The following SYMPK variants were observed in gnomAD, a reference collection of about 807,000 sequenced individuals.
The protein encoded by SYMPK is symplekin.
In SYMPK, 49 loss-of-function variants were observed where a neutral mutation model predicts 136.4. The ratio of observed to expected loss-of-function variants is 0.36; its 90% CI spans 0.29 to 0.46. The LOEUF is 0.46. SYMPK is among the 20% of genes least tolerant of loss of function. The pLI is 1.00. For missense variants in SYMPK, 1,365 were observed against 1,690.0 expected (o/e 0.81, Z 3.37); for synonymous variants, 766 against 713.0 (o/e 1.07, Z -1.19).
chr19:45,854,265 G>T, intron 2 of SYMPK, 25 bp from the exon 3 acceptor site: 3 of 1,612,142 alleles, frequency 1.9e-6, no homozygotes, highest in Non-Finnish European at 2.5e-6. Context: ...AGTGGCAGGG[G>T]ATAGTGCCAG....
At chr19:45,844,008 A>G (rs1600520135) in intron 8 of SYMPK, 22 bp downstream of exon 8, 5 of 876,650 alleles carry the variant, frequency 5.7e-6, no homozygotes, top group East Asian at 6.4e-5. Context: ...AGGCAGGGGG[A>G]GGGGGGAGGA....
intron 18 of SYMPK, 190 bp from the exon 19 acceptor site, chr19:45,824,065 C>T: frequency 3.9e-6 from 2 of 514,154 alleles, no homozygotes; most frequent in South Asian, 2.0e-5. Context: ...CCTGCAGCTC[C>T]TCCAGACATG....
At position 45,831,557 on chromosome 19, in the gene SYMPK, C is replaced by T. The variant is rs372352457; in HGVS notation, c.1425G>A (p.Glu475=). The change falls in exon 12 of 27, where the codon GAG becomes GAA. Residue 475 remains glutamate (E), a synonymous_variant. Coordinates refer to ENST00000245934, the MANE Select transcript of SYMPK (RefSeq NM_004819.3). ...TCTTCACCACCTTCTCCTCCTTGGGCTCCTCCTTGCACTGTTTGGTCTGCT... is the reference window on the plus strand; with the variant it reads ...TCTTCACCACCTTCTCCTCCTTGGGTTCCTCCTTGCACTGTTTGGTCTGCT... ...GVEQTKQCKE[E]PKEEKVVKTE... 9.3e-6 allele frequency: 15 copies of T among 1,610,294 alleles called. No homozygotes were observed. The Admixed American group carries it at 2.3e-4, about 25-fold the overall frequency.
rs149247046 is a variant in SYMPK, at chr19:45,854,029, G to C, written c.171+146C>G. On this transcript the variant is annotated intron_variant, in intron 3 of 26. Transcript: ENST00000245934. The stretch of plus-strand genomic sequence containing the variant: ...CCTTACAGAGCTTTCATGAGAACTA[G>C]AAGAGCAGAGGCCTGCACTGAGCAC... 24 of 750,054 alleles carry C rather than the reference G, an allele frequency of 3.2e-5. No homozygotes were observed. The East Asian group carries it at 5.8e-4, about 18-fold the overall frequency. 46.5% of individuals were successfully genotyped at this position (750,054 alleles called of 1,614,324 possible). A position where few individuals can be genotyped will look rare whatever the true frequency, so the allele number is the denominator to read the frequency against.
chr19:45,854,584 A>G (rs901748216), intron 1 of SYMPK, 77 bp from the exon 2 acceptor site: 37 of 1,211,594 alleles, frequency 3.1e-5, no homozygotes, highest in Non-Finnish European at 3.3e-5. Flanking sequence ...TCACCCGAAC[A>G]CCTACAAAGG....
intron 1 of SYMPK, chr19:45,861,799 C>G (rs1395242667): frequency 6.6e-6 from 1 of 151,414 alleles, no homozygotes; most frequent in East Asian, 1.9e-4. Context: ...AATCCCTGCA[C>G]TTTGGAAGGC....
intron 1 of SYMPK, among the ~76,000 whole-genome samples, chr19:45,858,834 T>C (rs1346960211): frequency 6.6e-6 from 1 of 151,914 alleles, no homozygotes; most frequent in African/African-American, 2.4e-5. Context: ...ATTTCAAATT[T>C]TAACTTCCTC....
chr19:45,860,129 CA>C (rs200235781), intron 1 of SYMPK, among the ~76,000 whole-genome samples: 19,072 of 129,676 alleles, frequency 0.15, 1,278 homozygotes, highest in Admixed American at 0.19. Context: ...AACCTGTTTC[CA>C]AAAAAAAAAA....
intron 6 of SYMPK, 112 bp from the exon 7 acceptor site, chr19:45,848,113 C>A: frequency 7.5e-7 from 1 of 1,334,298 alleles, no homozygotes; most frequent in Non-Finnish European, 1.0e-6. Context: ...TGAATACATT[C>A]ATTTGGTTAA....
intron 5 of SYMPK, among the ~76,000 whole-genome samples, chr19:45,851,893 CA>C (rs2146341191): frequency 6.6e-6 from 1 of 151,296 alleles, no homozygotes; most frequent in South Asian, 2.1e-4. Flanking sequence ...AACAAACAAA[CA>C]AAAGATTAAA....
chr19:45,848,738 G>C lies in SYMPK; in HGVS notation c.426+12C>G. The C allele has an allele frequency of 6.2e-7, 1 of 1,613,182 alleles. No individual in the cohort carries two copies. Among genetic ancestry groups the C allele is most frequent in the Non-Finnish European group, 8.5e-7 (1 of 1,179,992 alleles). ...CAGGCAGGATGGCCCTGGGTGGGGAGGGCGCTCTCACCTGCAGGGCCACCT... is the reference window on the plus strand; with the variant it reads ...CAGGCAGGATGGCCCTGGGTGGGGACGGCGCTCTCACCTGCAGGGCCACCT... On this transcript the variant is annotated intron_variant, in intron 6 of 26. Coordinates refer to ENST00000245934, the MANE Select transcript of SYMPK (RefSeq NM_004819.3).
intron 3 of SYMPK, among the ~76,000 whole-genome samples, chr19:45,853,058 C>G (rs764611030): frequency 6.6e-6 from 1 of 152,198 alleles, no homozygotes; most frequent in Non-Finnish European, 1.5e-5. Flanking sequence ...CTCCAATAAG[C>G]AAAGAGCTGG....
Position 45,831,515 on chromosome 19 carries a change from G to A in SYMPK, c.1467C>T (p.Ile489=), listed in dbSNP as rs1971173636. The A allele has an allele frequency of 2.9e-5, 46 of 1,611,402 alleles. No individual in the cohort carries two copies. Among genetic ancestry groups the A allele is most frequent in the Non-Finnish European group, 3.9e-5 (46 of 1,179,082 alleles). Residue 489 remains isoleucine, a synonymous_variant, in exon 12 of 27, where the codon ATC becomes ATT. Coordinates refer to ENST00000245934, the MANE Select transcript of SYMPK (RefSeq NM_004819.3). ...GGCCCTGGGCTGACAGGCGCCGCTT[G>A]ATCAGGACGCTCTCTGTCTTCACCA... ...EKVVKTESVL[I]KRRLSAQGQA... is the part of the protein sequence containing the mutation.
rs990299511 is a variant in SYMPK, at chr19:45,842,396, G to A, written c.941C>T (p.Ser314Phe). 1.9e-6 allele frequency: 3 copies of A among 1,614,114 alleles called. No homozygotes were observed. The highest frequency in any genetic ancestry group is 1.1e-5 in the South Asian group (1 of 91,090). ...HLLSVLKHPA[S>F]LEFQAQITTL... ...GGTGATCTGGGCCTGGAACTCCAAG[G>A]AAGCCGGGTGCTTCAGCACACTCAA... The change falls in exon 9 of 27, where the codon TCC (serine) becomes TTC (phenylalanine). Residue 314 changes from serine (S) to phenylalanine (F), a missense_variant. Physicochemically the swap from Ser to Phe is radical, Grantham distance 155. Around this residue, in one of 11 missense-constraint regions of SYMPK, gnomAD observed 111 missense variants for 141.2 expected, o/e 0.79. Transcript: ENST00000245934.
rs142274347 is a variant in SYMPK at position 45,849,461 on chromosome 19, A to G, written c.300-585T>C. Reference sequence around the variant, plus strand: ...ATGAAGGGCCTCCAACAAATGTTCAATGAATAAATAGGAGCTCAGCACAGA... The same window carrying G: ...ATGAAGGGCCTCCAACAAATGTTCAGTGAATAAATAGGAGCTCAGCACAGA... On this transcript the variant is annotated intron_variant, in intron 5 of 26. Transcript: ENST00000245934. Among the ~76,000 whole-genome samples, 377 of 152,324 alleles carry G rather than the reference A, an allele frequency of 2.5e-3. 1 individual carries two copies. Among genetic ancestry groups the G allele is most frequent in the African/African-American group, 8.3e-3 (346 of 41,582 alleles).
chr19:45,834,924 CA>C (rs1188664908), intron 11 of SYMPK, among the ~76,000 whole-genome samples, 153 bp downstream of exon 11: 1 of 152,242 alleles, frequency 6.6e-6, no homozygotes, highest in African/African-American at 2.4e-5. Flanking sequence ...GACTTAAAAA[CA>C]CTGAGCCATC....
At chr19:45,829,366 C>T (rs1015630801) in intron 13 of SYMPK, among the ~76,000 whole-genome samples, 161 bp from the exon 14 acceptor site, 5 of 150,982 alleles carry the variant, frequency 3.3e-5, no homozygotes, top group African/African-American at 1.2e-4. Context: ...AGGAAGGTCC[C>T]GTTTGTGTGT....
rs750287347 is a variant in SYMPK at position 45,816,486 on chromosome 19, T to C, written c.3350A>G (p.Glu1117Gly). The C allele has an allele frequency of 6.2e-7, 1 of 1,611,778 alleles. No homozygotes were observed. The highest frequency in any genetic ancestry group is 8.5e-7 in the Non-Finnish European group (1 of 1,179,710). ...EAKEAPAGPL[E>G]EDDLEPLTLA... ...GGTGGGCTGCAGGGCCCTCACCTCC[T>C]CCAAGGGCCCCGCAGGCGCCTCCTT... The change falls in exon 25 of 27, where the codon GAG becomes GGG. Residue 1117 changes from glutamate to glycine, a missense_variant. Transcript: ENST00000245934.
chr19:45,851,911 A>G (rs1971704728), intron 5 of SYMPK, among the ~76,000 whole-genome samples: 1 of 152,212 alleles, frequency 6.6e-6, no homozygotes, highest in Non-Finnish European at 1.5e-5. Flanking sequence ...TAAAAAAAAA[A>G]GCTAATTTTG....
Sources: allele counts gnomAD v4.1 joint callset (sites outside exome capture counted in the v4.1 genomes callset), GRCh38; gene constraint gnomAD v4.1.1; regional missense constraint gnomAD v4.1.1; transcripts MANE v1.5; gene names NCBI Gene and HGNC (gene_info 2026-07-23, HGNC 2026-07-21).